Variants in INPP5B observed in about 807,000 individuals in gnomAD.
The protein encoded by INPP5B is type II inositol 1,4,5-trisphosphate 5-phosphatase.
In INPP5B, 90 loss-of-function variants were observed where a neutral mutation model predicts 118.5. The ratio of observed to expected loss-of-function variants is 0.76; its 90% CI spans 0.64 to 0.90. The LOEUF (loss-of-function observed/expected upper bound fraction) is 0.90. Among genes scored for constraint, INPP5B ranks in the 40% least tolerant of loss-of-function variants. The probability of loss-of-function intolerance (pLI) is 0.00; values close to 1 mark genes in which losing one functional copy is unlikely to be tolerated. For missense variants in INPP5B, 984 were observed against 1,125.6 expected, an observed-to-expected ratio of 0.87 and a Z score of 1.80; for synonymous variants, 385 against 418.9, an observed-to-expected ratio of 0.92 and a Z score of 0.99.
rs527373030 is a variant in INPP5B at position 37,927,759 on chromosome 1, A to C, written c.532+4154T>G. Reference sequence around the variant, plus strand: ...TCACCATGTTAGCCAGGATGGTCTCAATCTCCTGACCTCGTGATCCGCCCT... The same window carrying C: ...TCACCATGTTAGCCAGGATGGTCTCCATCTCCTGACCTCGTGATCCGCCCT... On this transcript the variant is annotated intron_variant, in intron 7 of 23. Coordinates refer to ENST00000373024, the MANE Select transcript of INPP5B (RefSeq NM_005540.3). 3.8e-4 allele frequency among the ~76,000 whole-genome samples: 57 copies of C among 151,912 alleles called. 1 individual carries two copies. The highest frequency in any genetic ancestry group is 3.4e-3 in the Middle Eastern group (1 of 292).
At chr1:37,896,430 C>T (rs1356631527) in intron 7 of INPP5B, among the ~76,000 whole-genome samples, 4 of 150,548 alleles carry the variant, frequency 2.7e-5, no homozygotes, top group Non-Finnish European at 5.9e-5. Context: ...GTGGGGGGGT[C>T]AGCCCCCCGC....
chr1:37,874,496 G>A (rs1316100149), intron 17 of INPP5B, among the ~76,000 whole-genome samples: 1 of 152,058 alleles, frequency 6.6e-6, no homozygotes, highest in Non-Finnish European at 1.5e-5. Context: ...GGACATCTAG[G>A]GCATTAAAAA....
chr1:37,862,847 G>A (rs979747734), intron 23 of INPP5B, among the ~76,000 whole-genome samples: 3 of 152,124 alleles, frequency 2.0e-5, no homozygotes, highest in Non-Finnish European at 4.4e-5. Flanking sequence ...GGCCAACATG[G>A]TAAAACCCCA....
intron 16 of INPP5B, among the ~76,000 whole-genome samples, chr1:37,875,978 G>C (rs1642774912): frequency 6.6e-6 from 1 of 152,170 alleles, no homozygotes; most frequent in South Asian, 2.1e-4. Context: ...AGTTAGTTCT[G>C]CCAGGTCTTA....
chr1:37,901,333 C>T (rs962713420), intron 7 of INPP5B, among the ~76,000 whole-genome samples: 6 of 152,114 alleles, frequency 3.9e-5, no homozygotes, highest in African/African-American at 1.4e-4. Flanking sequence ...CTCTTTGGGT[C>T]TCGGTTTCTT....
intron 7 of INPP5B, among the ~76,000 whole-genome samples, chr1:37,927,422 C>T (rs1028847437): frequency 1.3e-5 from 2 of 152,204 alleles, no homozygotes; most frequent in East Asian, 1.9e-4. Flanking sequence ...CAAGCTGCCA[C>T]TCAACCAAAA....
rs757137262 is a variant in INPP5B at position 37,940,800 on chromosome 1, T to C, written c.281-2A>G. ...CCAGCTGGACGGTCACATCTGAGCC[T>C]GCACAAAGGAGGCAGGAAATGAACC... is the stretch of plus-strand genomic sequence containing the variant. On this transcript the variant is annotated splice_acceptor_variant, in intron 5 of 23. Coordinates refer to ENST00000373024, the MANE Select transcript of INPP5B (RefSeq NM_005540.3). LOFTEE classifies it high-confidence loss of function. 6.2e-7 allele frequency: 1 copy of C among 1,607,412 alleles called. No homozygotes were observed. The highest frequency in any genetic ancestry group is 2.2e-5 in the East Asian group (1 of 44,822).
intron 7 of INPP5B, among the ~76,000 whole-genome samples, chr1:37,903,896 T>C (rs1644416936): frequency 6.6e-6 from 1 of 152,160 alleles, no homozygotes; most frequent in South Asian, 2.1e-4. Context: ...GAAAAAGGCT[T>C]AAATAAAATA....
intron 13 of INPP5B, among the ~76,000 whole-genome samples, chr1:37,884,547 T>C (rs1643400279): frequency 6.6e-6 from 1 of 152,106 alleles, no homozygotes; most frequent in Non-Finnish European, 1.5e-5. Context: ...CCTCCTAAAA[T>C]GCTGGGATAA....
chr1:37,887,211 C>T lies in INPP5B; in HGVS notation c.1014+140G>A, dbSNP rs2279260. On this transcript the variant is annotated intron_variant, in intron 11 of 23. Transcript: ENST00000373024. ...TGCATCTTTCCCACCCGGAGGCACC[C>T]CTTCTGGAAGATCTGGAAATGAAAA... is the stretch of plus-strand genomic sequence containing the variant. The T allele has an allele frequency of 0.02, 14,635 of 733,282 alleles. 862 individuals are homozygous for T. The highest frequency in any genetic ancestry group is 0.18 in the East Asian group (7,166 of 38,906). 45.4% of individuals were successfully genotyped at this position (733,282 alleles called of 1,614,324 possible). A position where few individuals can be genotyped will look rare whatever the true frequency, so the allele number is the denominator to read the frequency against.
intron 7 of INPP5B, among the ~76,000 whole-genome samples, chr1:37,903,846 C>T (rs1396731658): frequency 6.6e-6 from 1 of 152,032 alleles, no homozygotes; most frequent in East Asian, 1.9e-4. Flanking sequence ...GCCAAGATCA[C>T]GGCATTATAC....
chr1:37,898,352 T>C (rs1644200201), intron 7 of INPP5B, among the ~76,000 whole-genome samples: 1 of 152,164 alleles, frequency 6.6e-6, no homozygotes, highest in Non-Finnish European at 1.5e-5. Context: ...ATAATGGTGA[T>C]ACATGGTAGT....
intron 6 of INPP5B, among the ~76,000 whole-genome samples, chr1:37,937,726 C>T (rs1645749098): frequency 6.6e-6 from 1 of 151,652 alleles, no homozygotes; most frequent in Admixed American, 6.6e-5. Context: ...GAGATTGCAC[C>T]ACTGCACTCC....
chr1:37,928,234 C>T (rs1390640257), intron 7 of INPP5B, among the ~76,000 whole-genome samples: 2 of 152,032 alleles, frequency 1.3e-5, no homozygotes, highest in African/African-American at 2.4e-5. Context: ...AGTGCAATGC[C>T]GCGATCTCAG....
At chr1:37,872,260 C>T (rs1436303548) in intron 19 of INPP5B, among the ~76,000 whole-genome samples, 1 of 150,884 alleles carries the variant, frequency 6.6e-6, no homozygotes. Flanking sequence ...GTCCCAGCTA[C>T]TCAGGAGGCT....
At chr1:37,902,842 G>A (rs992844655) in intron 7 of INPP5B, among the ~76,000 whole-genome samples, 1 of 151,994 alleles carries the variant, frequency 6.6e-6, no homozygotes, top group Non-Finnish European at 1.5e-5. Context: ...CAATTAACTG[G>A]GCATGGTAGT....
At chr1:37,930,490 C>T (rs943576019) in intron 7 of INPP5B, 7 of 152,300 alleles carry the variant, frequency 4.6e-5, no homozygotes, top group African/African-American at 1.7e-4. Flanking sequence ...TGTCCTCCGC[C>T]AATTGTCTGG....
intron 7 of INPP5B, among the ~76,000 whole-genome samples, chr1:37,913,880 G>A (rs1307829035): frequency 1.3e-5 from 2 of 152,124 alleles, no homozygotes; most frequent in Non-Finnish European, 2.9e-5. Context: ...ATCCACAAAA[G>A]AACTGAAAAT....
intron 7 of INPP5B, among the ~76,000 whole-genome samples, chr1:37,923,553 GA>G (rs929973735): frequency 1.3e-5 from 2 of 151,984 alleles, no homozygotes; most frequent in African/African-American, 4.8e-5. Flanking sequence ...TTGAGGTTGG[GA>G]AGACTTACAA....
Sources: gnomAD v4.1 joint callset for allele counts (sites outside exome capture counted in the v4.1 genomes callset) on GRCh38, gnomAD v4.1.1 for gene constraint, MANE v1.5 for transcripts, NCBI Gene and HGNC (gene_info 2026-07-23, HGNC 2026-07-21) for gene names.